PUDP: variants seen among roughly 807,000 people sequenced by gnomAD.
PUDP encodes pseudouridine-5'-phosphatase.
PUDP carries 8 observed loss-of-function variants against 9.4 expected under a neutral mutation model. That is an observed-to-expected ratio of 0.85 (90% CI 0.50 to 1.53). The LOEUF is 1.53. Ranked by LOEUF, PUDP falls within the 40% of genes most tolerant of loss-of-function variation. The pLI, the probability that PUDP is intolerant of heterozygous loss-of-function variation, is 0.00. For missense variants in PUDP, 188 were observed against 189.7 expected, an observed-to-expected ratio of 0.99 and a Z score of 0.05; for synonymous variants, 99 against 80.7, an observed-to-expected ratio of 1.23 and a Z score of -1.22.
intron 3 of PUDP, among the ~76,000 whole-genome samples, chrX:6,849,658 A>C (rs1926799914): frequency 8.9e-6 from 1 of 112,058 alleles, no homozygotes; most frequent in Non-Finnish European, 1.9e-5. Context: ...CATGTGCCCC[A>C]AAAAGCCAAT....
chrX:6,760,451 G>A (rs765010111), intron 3 of PUDP, among the ~76,000 whole-genome samples: 1 of 112,000 alleles, frequency 8.9e-6, no homozygotes, highest in South Asian at 3.8e-4. Flanking sequence ...CAGACACTCC[G>A]CTCACATTCC....
chrX:7,146,835 GTTTTTT>G (rs72051800), intron 1 of PUDP, among the ~76,000 whole-genome samples: 1,022 of 82,997 alleles, frequency 0.012, 6 homozygotes, highest in Middle Eastern at 0.076. Flanking sequence ...GAGCTGCAGG[GTTTTTT>G]TTTTTTTTTT....
chrX:6,962,245 G>C (rs34049690), intron 3 of PUDP, among the ~76,000 whole-genome samples: 23,112 of 110,467 alleles, frequency 0.21, 1,941 homozygotes, highest in Admixed American at 0.35. Flanking sequence ...TAAAAAAAAA[G>C]CCAAATAAAA....
At position 6,861,697 on chromosome X, in the gene PUDP, G is replaced by A. The variant is rs533967401; in HGVS notation, c.*247+115436C>T. On this transcript the variant is annotated intron_variant and NMD_transcript_variant, in intron 3 of 3. Transcript: ENST00000655425. ...TGAGTGTAGTGGCCTTATTTATGCA[G>A]TGGCTTATGCAAGAGCTTATCCAAG... Among the ~76,000 whole-genome samples, 17 of 110,536 alleles carry A rather than the reference G, an allele frequency of 1.5e-4. No homozygotes were observed. The East Asian group carries it at 2.3e-3, about 15-fold the overall frequency.
At chrX:7,020,400 T>C (rs1929617156) in intron 1 of PUDP, among the ~76,000 whole-genome samples, 1 of 109,220 alleles carries the variant, frequency 9.2e-6, no homozygotes, top group Non-Finnish European at 1.9e-5. Context: ...TGCAATTATT[T>C]GTCCATGAGT....
At chrX:6,899,166 A>T (rs1665408662) in intron 3 of PUDP, among the ~76,000 whole-genome samples, 1 of 112,773 alleles carries the variant, frequency 8.9e-6, no homozygotes, top group Non-Finnish European at 1.9e-5. Flanking sequence ...CACACTCATC[A>T]TAAAGACAAC....
At chrX:7,068,953 C>T (rs1049523251) in intron 3 of PUDP, among the ~76,000 whole-genome samples, 2 of 111,791 alleles carry the variant, frequency 1.8e-5, no homozygotes, top group Non-Finnish European at 3.8e-5. Flanking sequence ...CTACCCATGT[C>T]CAGAAACCAA....
intron 3 of PUDP, among the ~76,000 whole-genome samples, chrX:7,055,254 T>G (rs952925448): frequency 2.3e-4 from 25 of 110,606 alleles, no homozygotes; most frequent in African/African-American, 7.6e-4. Flanking sequence ...ATTTTCTTTT[T>G]TTTTTGTTGT....
At chrX:7,083,075 G>A (rs1035193300) in intron 2 of PUDP, among the ~76,000 whole-genome samples, 2 of 112,625 alleles carry the variant, frequency 1.8e-5, no homozygotes, top group African/African-American at 6.5e-5. Context: ...AGGCAGGAAG[G>A]ATCCTCCCCT....
chrX:6,827,016 T>G (rs1653415161), intron 3 of PUDP, among the ~76,000 whole-genome samples: 1 of 112,080 alleles, frequency 8.9e-6, no homozygotes, highest in South Asian at 3.7e-4. Flanking sequence ...GGGATTGTCA[T>G]GGACACAGCT....
chrX:6,889,642 C>G (rs1455066584), intron 3 of PUDP, among the ~76,000 whole-genome samples: 1 of 109,853 alleles, frequency 9.1e-6, no homozygotes, highest in South Asian at 3.8e-4. Context: ...TTAATTATCC[C>G]TTTTTTTCCA....
intron 3 of PUDP, among the ~76,000 whole-genome samples, chrX:6,845,649 C>T (rs1189739346): frequency 9.2e-6 from 1 of 108,789 alleles, no homozygotes; most frequent in African/African-American, 3.3e-5. Flanking sequence ...GATTGTGTTC[C>T]CTTAACTCAG....
intron 1 of PUDP, among the ~76,000 whole-genome samples, chrX:7,145,683 C>T (rs1041420937): frequency 9.1e-6 from 1 of 110,055 alleles, no homozygotes; most frequent in Non-Finnish European, 1.9e-5. Context: ...TCCTGGTCAA[C>T]ATTTCCTCTA....
rs150639556 is a variant in PUDP at position 7,027,319 on chromosome X, G to C, written c.205-48976C>G. Among the ~76,000 whole-genome samples the C allele has an allele frequency of 6.6e-3, 735 of 110,929 alleles. 9 individuals are homozygous for C. The highest frequency in any genetic ancestry group is 0.023 in the African/African-American group (692 of 30,421). ...ACCTGCAGAAGTTGGCTCAAGTGCT[G>C]CCTGCTAACAACCGAATAAGTAAAC... On this transcript the variant is annotated intron_variant and NMD_transcript_variant, in intron 1 of 3. Coordinates refer to the PUDP transcript ENST00000655425.
chrX:7,018,341 A>G (rs1262591424), intron 1 of PUDP, among the ~76,000 whole-genome samples: 1 of 112,094 alleles, frequency 8.9e-6, no homozygotes, highest in Non-Finnish European at 1.9e-5. Context: ...GGTCATCACC[A>G]AGCAAACACA....
intron 1 of PUDP, among the ~76,000 whole-genome samples, chrX:6,996,614 A>G (rs967736241): frequency 1.9e-5 from 2 of 106,827 alleles, no homozygotes; most frequent in Admixed American, 1.0e-4. Context: ...ACATATGTAT[A>G]TATATATATG....
intron 3 of PUDP, among the ~76,000 whole-genome samples, chrX:6,965,580 T>A (rs1928770412): frequency 8.9e-6 from 1 of 111,874 alleles, no homozygotes; most frequent in African/African-American, 3.3e-5. Flanking sequence ...TTAAACACGA[T>A]ACTGTATACA....
intron 1 of PUDP, among the ~76,000 whole-genome samples, chrX:7,109,895 T>C (rs1931990796): frequency 1.8e-5 from 2 of 112,967 alleles, no homozygotes; most frequent in African/African-American, 3.2e-5. Context: ...AAAGGTCATA[T>C]TGTTTTTAAC....
intron 2 of PUDP, among the ~76,000 whole-genome samples, chrX:7,081,397 C>G (rs1472459339): frequency 8.9e-6 from 1 of 112,201 alleles, no homozygotes. Context: ...AAGTAATCCT[C>G]TTGCCTCGGC....
Sources: gnomAD v4.1 joint callset for allele counts (sites outside exome capture counted in the v4.1 genomes callset) on GRCh38, gnomAD v4.1.1 for gene constraint, MANE v1.5 for transcripts, NCBI Gene and HGNC (gene_info 2026-07-23, HGNC 2026-07-21) for gene names.